Variants in ANGPT1 observed in about 807,000 individuals in gnomAD.
ANGPT1 encodes the protein angiopoietin 1.
In ANGPT1, 17 loss-of-function variants were observed where a neutral mutation model predicts 62.2. That is an observed-to-expected ratio of 0.27 (90% CI 0.19 to 0.41). ANGPT1 has a LOEUF of 0.41. Ranked by LOEUF, ANGPT1 falls within the 10% of genes least tolerant of loss-of-function variation. ANGPT1 has a pLI of 1.00. For missense variants in ANGPT1, 478 were observed against 594.9 expected, an observed-to-expected ratio of 0.80 and a Z score of 2.04; for synonymous variants, 199 against 198.9, an observed-to-expected ratio of 1.00 and a Z score of 0.00.
intron 3 of ANGPT1, among the ~76,000 whole-genome samples, chr8:107,326,115 A>G (rs764420680): frequency 6.6e-6 from 1 of 152,166 alleles, no homozygotes; most frequent in Non-Finnish European, 1.5e-5. Flanking sequence ...CAGGTATCAA[A>G]AGATACCCAT....
intron 1 of ANGPT1, among the ~76,000 whole-genome samples, chr8:107,380,627 T>C (rs1370846498): frequency 1.3e-5 from 2 of 152,162 alleles, no homozygotes; most frequent in Non-Finnish European, 2.9e-5. Context: ...ATTAAGAATA[T>C]TATTGTTTCA....
chr8:107,342,889 G>A (rs1815724944), intron 2 of ANGPT1, among the ~76,000 whole-genome samples: 1 of 151,612 alleles, frequency 6.6e-6, no homozygotes, highest in Non-Finnish European at 1.5e-5. Flanking sequence ...ATGCTGGAGT[G>A]CAGTGGTGTG....
intron 1 of ANGPT1, among the ~76,000 whole-genome samples, chr8:107,418,116 T>C (rs1810799302): frequency 6.6e-6 from 1 of 152,212 alleles, no homozygotes; most frequent in South Asian, 2.1e-4. Context: ...GAGATATATA[T>C]AAACCAGATA....
chr8:107,279,512 G>A (rs1402067497), intron 7 of ANGPT1, among the ~76,000 whole-genome samples: 1 of 152,064 alleles, frequency 6.6e-6, no homozygotes, highest in African/African-American at 2.4e-5. Flanking sequence ...GTAGTTATAA[G>A]ACCAAATTTC....
At chr8:107,313,284 G>A (rs1814920973) in intron 4 of ANGPT1, among the ~76,000 whole-genome samples, 1 of 151,894 alleles carries the variant, frequency 6.6e-6, no homozygotes, top group Non-Finnish European at 1.5e-5. Flanking sequence ...TGACTCCTTA[G>A]CAGACATAAC....
At chr8:107,343,457 G>A (rs1030076400) in intron 2 of ANGPT1, among the ~76,000 whole-genome samples, 1 of 152,138 alleles carries the variant, frequency 6.6e-6, no homozygotes, top group Non-Finnish European at 1.5e-5. Flanking sequence ...CAGCTCCCAG[G>A]AGCAGGCCTA....
At chr8:107,439,457 C>T (rs529429281) in intron 1 of ANGPT1, among the ~76,000 whole-genome samples, 14 of 152,290 alleles carry the variant, frequency 9.2e-5, no homozygotes, top group African/African-American at 3.1e-4. Context: ...ATGTTCTCCA[C>T]AGGGACAAGA....
At chr8:107,260,783 A>G (rs1263586695) in intron 8 of ANGPT1, among the ~76,000 whole-genome samples, 1 of 152,220 alleles carries the variant, frequency 6.6e-6, no homozygotes, top group African/African-American at 2.4e-5. Flanking sequence ...AGCCCAAGCA[A>G]TAAGTGGAAA....
In ANGPT1 at chr8:107,371,837, T is replaced by A. The variant is rs117270550; in HGVS notation, c.298-24740A>T. Reference sequence around the variant, plus strand: ...TTCCCCACAATAACTTCTCATTACCTTAATTCACATAAAGGCATGAATGAA... The same window carrying A: ...TTCCCCACAATAACTTCTCATTACCATAATTCACATAAAGGCATGAATGAA... On this transcript the variant is annotated intron_variant, in intron 1 of 8. Coordinates refer to ENST00000517746, the MANE Select transcript of ANGPT1 (RefSeq NM_001146.5). Among the ~76,000 whole-genome samples the A allele has an allele frequency of 1.3e-3, 198 of 152,274 alleles. 3 individuals carry two copies. In the East Asian group the frequency reaches 0.036, roughly 28 times the overall value.
chr8:107,269,442 T>C (rs886485543), intron 7 of ANGPT1, among the ~76,000 whole-genome samples: 7 of 152,130 alleles, frequency 4.6e-5, no homozygotes. Context: ...TCTATGAAGC[T>C]AATAATTGTT....
intron 1 of ANGPT1, among the ~76,000 whole-genome samples, chr8:107,451,212 T>C (rs759280245): frequency 6.6e-5 from 10 of 151,710 alleles, no homozygotes; most frequent in South Asian, 2.1e-4. Context: ...GAGACATCAA[T>C]TGAGCAGTGA....
chr8:107,333,504 T>TG (rs1265923492), intron 3 of ANGPT1, among the ~76,000 whole-genome samples: 18 of 152,284 alleles, frequency 1.2e-4, no homozygotes, highest in African/African-American at 4.3e-4. Context: ...GAAAAGGAAA[T>TG]TGCTATAATC....
chr8:107,289,458 A>C lies in ANGPT1; in HGVS notation c.1038+4478T>G, dbSNP rs141247927. ...ACAGCCCATGTATTCCATGGGTTGC[A>C]TCTTTTTTCACACAAATTATTTAAA... On this transcript the variant is annotated intron_variant, in intron 6 of 8. Coordinates refer to ENST00000517746, the MANE Select transcript of ANGPT1 (RefSeq NM_001146.5). Among the ~76,000 whole-genome samples, 209 of 152,254 alleles carry C rather than the reference A, an allele frequency of 1.4e-3. 2 individuals carry two copies. In the East Asian group the frequency reaches 0.038, roughly 28 times the overall value.
At chr8:107,268,229 C>G (rs1813659501) in intron 7 of ANGPT1, among the ~76,000 whole-genome samples, 1 of 152,026 alleles carries the variant, frequency 6.6e-6, no homozygotes, top group Non-Finnish European at 1.5e-5. Flanking sequence ...TTGGTAAGCT[C>G]AAGGTAGCAA....
intron 1 of ANGPT1, among the ~76,000 whole-genome samples, chr8:107,426,381 G>A (rs145181151): frequency 6.6e-6 from 1 of 152,184 alleles, no homozygotes; most frequent in African/African-American, 2.4e-5. Flanking sequence ...CAGAAAGTGG[G>A]CGGGTGATCC....
intron 1 of ANGPT1, among the ~76,000 whole-genome samples, chr8:107,457,446 A>G (rs1811948018): frequency 6.6e-6 from 1 of 152,168 alleles, no homozygotes; most frequent in South Asian, 2.1e-4. Flanking sequence ...GGAATAAATT[A>G]TAATAAAGAT....
chr8:107,300,989 C>G (rs1010787472), intron 5 of ANGPT1, among the ~76,000 whole-genome samples: 2 of 151,722 alleles, frequency 1.3e-5, no homozygotes, highest in Admixed American at 1.3e-4. Context: ...TTCACATTAC[C>G]AGGCGCAGTG....
At chr8:107,491,684 T>C (rs1485706757) in intron 1 of ANGPT1, among the ~76,000 whole-genome samples, 1 of 152,102 alleles carries the variant, frequency 6.6e-6, no homozygotes, top group East Asian at 1.9e-4. Context: ...GTCTGGAATG[T>C]CGTTTGAAGG....
At chr8:107,481,617 A>C (rs1812689367) in intron 1 of ANGPT1, among the ~76,000 whole-genome samples, 1 of 151,960 alleles carries the variant, frequency 6.6e-6, no homozygotes, top group African/African-American at 2.4e-5. Context: ...GCTGCTATGA[A>C]GAAATACCCG....
Sources: gnomAD v4.1 joint callset for allele counts (sites outside exome capture counted in the v4.1 genomes callset) on GRCh38, gnomAD v4.1.1 for gene constraint, MANE v1.5 for transcripts, NCBI Gene and HGNC (gene_info 2026-07-23, HGNC 2026-07-21) for gene names.